The following GRIN1 variants were observed in gnomAD, a reference collection of about 807,000 sequenced individuals.
GRIN1 encodes glutamate receptor ionotropic, NMDA 1.
A neutral mutation model predicts 103.0 loss-of-function variants in GRIN1; 38 were observed. The ratio of observed to expected loss-of-function variants is 0.37; its 90% CI spans 0.28 to 0.48. The LOEUF (loss-of-function observed/expected upper bound fraction) is 0.48. GRIN1 is among the 20% of genes least tolerant of loss of function. The pLI, the probability that GRIN1 is intolerant of heterozygous loss-of-function variation, is 0.98. For synonymous variants in GRIN1, 544 were observed against 532.7 expected (o/e 1.02, Z -0.29); for missense variants, 577 against 1,288.9 (o/e 0.45, Z 8.46).
intron 4 of GRIN1, among the ~76,000 whole-genome samples, chr9:137,151,939 C>T (rs1006389161): frequency 1.6e-5 from 2 of 128,840 alleles, no homozygotes; most frequent in African/African-American, 5.9e-5. Flanking sequence ...TGGAGTCTCA[C>T]TCTGTCACCC....
At chr9:137,167,362 T>C in intron 19 of GRIN1, 49 bp from the exon 20 acceptor site, 1 of 1,435,170 alleles carries the variant, frequency 7.0e-7, no homozygotes, top group Non-Finnish European at 9.6e-7. Context: ...CTGGGGTCCC[T>C]GGCGGCCGGC....
intron 2 of GRIN1, among the ~76,000 whole-genome samples, chr9:137,145,344 C>T (rs112810635): frequency 3.9e-4 from 42 of 108,544 alleles, no homozygotes; most frequent in African/African-American, 1.3e-3. Flanking sequence ...TCCCAGGGTC[C>T]AGAAAGTGTC....
intron 4 of GRIN1, among the ~76,000 whole-genome samples, chr9:137,152,571 G>A (rs766544964): frequency 1.3e-5 from 2 of 152,162 alleles, no homozygotes; most frequent in Non-Finnish European, 2.9e-5. Context: ...AGGGGAGGGG[G>A]CGTTTTCTCC....
In GRIN1 at chr9:137,167,679, G is replaced by C. The variant is rs1408629832; in HGVS notation, c.*152G>C. On this transcript the variant is annotated 3_prime_UTR_variant, in exon 20 of 20. Coordinates refer to ENST00000371561, the MANE Select transcript of GRIN1 (RefSeq NM_007327.4). ...CCCAGGCTGCGCCTGCCCGCCCGCC[G>C]GTTGGCCGGCTGGCCGGTCCACCCC... is the stretch of plus-strand genomic sequence containing the variant. The C allele has an allele frequency of 9.0e-6, 14 of 1,554,986 alleles. No homozygotes were observed. In the South Asian group the frequency reaches 1.1e-4, roughly 12 times the overall value.
In GRIN1 at chr9:137,167,961, C is replaced by G; in HGVS notation, c.*434C>G. ...CAGAGACTGCCCACCCTGGGCCTCCCGTCCGTCCGCCCGCCCACCCCGCTG... is the reference window on the plus strand; with the variant it reads ...CAGAGACTGCCCACCCTGGGCCTCCGGTCCGTCCGCCCGCCCACCCCGCTG... On this transcript the variant is annotated 3_prime_UTR_variant, in exon 20 of 20. Transcript: ENST00000371561. 1 of 889,498 alleles carries G rather than the reference C, an allele frequency of 1.1e-6. No homozygotes were observed. The highest frequency in any genetic ancestry group is 1.4e-5 in the South Asian group (1 of 70,918). 55.1% of individuals were successfully genotyped at this position (889,498 alleles called of 1,614,324 possible).
intron 6 of GRIN1, 51 bp downstream of exon 6, chr9:137,157,088 C>A (rs550875739): frequency 6.8e-6 from 2 of 295,646 alleles, no homozygotes; most frequent in Non-Finnish European, 1.1e-5. Flanking sequence ...GGGAGGTGGG[C>A]GGGGTCACTC....
At chr9:137,165,892 G>A (rs553190024) in intron 19 of GRIN1, among the ~76,000 whole-genome samples, 2 of 152,332 alleles carry the variant, frequency 1.3e-5, no homozygotes, top group African/African-American at 2.4e-5. Flanking sequence ...TGTGTGGGCC[G>A]GGGGCTGGGG....
rs1030685877 is a variant in GRIN1 at position 137,162,715 on chromosome 9, C to T, written c.1989C>T (p.Arg663=). The T allele has an allele frequency of 1.4e-5, 22 of 1,606,164 alleles. No homozygotes were observed. Among genetic ancestry groups the T allele is most frequent in the Non-Finnish European group, 1.8e-5 (21 of 1,177,018 alleles). The change falls in exon 14 of 20, where the codon CGC becomes CGT. Residue 663 remains arginine (R), a synonymous_variant. Transcript: ENST00000371561. The part of the protein sequence containing the change: ...AFLVLDRPEE[R]ITGINDPRLR... ...TGGTGCTGGACCGGCCGGAGGAGCG[C>T]ATCACGGGCATCAACGACCCTCGGG...
intron 19 of GRIN1, 87 bp downstream of exon 19, chr9:137,165,383 C>G: frequency 1.2e-6 from 1 of 864,294 alleles, no homozygotes; most frequent in Non-Finnish European, 2.0e-6. Context: ...CGCCCCGGAC[C>G]CTGGGCTCCT....
At chr9:137,148,932 C>T (rs1024666026) in intron 3 of GRIN1, 77 bp from the exon 4 acceptor site, 2 of 1,079,550 alleles carry the variant, frequency 1.9e-6, no homozygotes, top group Admixed American at 2.0e-5. Flanking sequence ...TTCCCAGCGG[C>T]TCCGGCCCAA....
intron 8 of GRIN1, 91 bp from the exon 9 acceptor site, chr9:137,160,965 G>C (rs1833504477): frequency 1.3e-6 from 2 of 1,533,504 alleles, no homozygotes; most frequent in African/African-American, 2.7e-5. Flanking sequence ...GATTAAGAGG[G>C]GCGCCAGGGG....
At chr9:137,163,378 G>C (rs780091424) in intron 16 of GRIN1, 48 bp downstream of exon 16, 3 of 1,603,160 alleles carry the variant, frequency 1.9e-6, no homozygotes, top group East Asian at 4.5e-5. Context: ...CTCCGCCAGA[G>C]GTGGACGCCC....
intron 10 of GRIN1, 83 bp from the exon 11 acceptor site, chr9:137,161,841 C>G: frequency 7.1e-7 from 1 of 1,416,806 alleles, no homozygotes; most frequent in Non-Finnish European, 9.7e-7. Context: ...CCGGAGTGCT[C>G]TAGGGCGGCT....
In GRIN1 at chr9:137,162,826, C is replaced by G. The variant is rs778196740; in HGVS notation, c.2014-20C>G. 1 of 1,611,208 alleles carries G rather than the reference C, an allele frequency of 6.2e-7. No homozygotes were observed. The highest frequency in any genetic ancestry group is 8.5e-7 in the Non-Finnish European group (1 of 1,179,374). Reference sequence around the variant, plus strand: ...GGCCTGGGGAGCCGCCGCCGCGATCCCTGCCCTCCGACCCTGCAGCTGAGG... The same window carrying G: ...GGCCTGGGGAGCCGCCGCCGCGATCGCTGCCCTCCGACCCTGCAGCTGAGG... On this transcript the variant is annotated intron_variant, in intron 14 of 19. Coordinates refer to ENST00000371561, the MANE Select transcript of GRIN1 (RefSeq NM_007327.4).
intron 6 of GRIN1, 67 bp downstream of exon 6, chr9:137,157,104 A>T (rs1293745349): frequency 2.9e-6 from 1 of 349,558 alleles, no homozygotes; most frequent in Non-Finnish European, 4.9e-6. Context: ...CACTCCAGAG[A>T]TGGGCGGGGC....
In GRIN1 at chr9:137,139,577, G is replaced by C; in HGVS notation, c.91G>C (p.Ala31Pro). The C allele has an allele frequency of 6.2e-7, 1 of 1,613,320 alleles. No homozygotes were observed. Reference protein sequence around the residue: ...ACDPKIVNIGAVLSTRKHEQM... With the variant: ...ACDPKIVNIGPVLSTRKHEQM... ...CGACCCCAAGATCGTCAACATTGGCGCGGTGCTGAGCACGCGGAAGCACGA... is the reference window on the plus strand; with the variant it reads ...CGACCCCAAGATCGTCAACATTGGCCCGGTGCTGAGCACGCGGAAGCACGA... Residue 31 changes from alanine (A) to proline (P), a missense_variant, in exon 1 of 20, where the codon GCG becomes CCG. Physicochemically the swap from Ala to Pro is conservative, Grantham distance 27. This residue lies in a region of GRIN1 where 308 missense variants were observed against 553.6 expected (regional missense o/e 0.56). Coordinates refer to ENST00000371561, the MANE Select transcript of GRIN1 (RefSeq NM_007327.4). This position sits in a 1 kb window ranked among gnomAD's most constrained non-coding sequence, Gnocchi z 7.7.
At chr9:137,143,532 G>A (rs769330439) in intron 2 of GRIN1, among the ~76,000 whole-genome samples, 1 of 152,084 alleles carries the variant, frequency 6.6e-6, no homozygotes, top group African/African-American at 2.4e-5. Context: ...ATGAAAGGCG[G>A]GGGAAACGGA....
intron 4 of GRIN1, among the ~76,000 whole-genome samples, chr9:137,151,100 A>C (rs1832866390): frequency 6.9e-6 from 1 of 145,384 alleles, no homozygotes; most frequent in Admixed American, 6.8e-5. Flanking sequence ...GCCCAGGGAA[A>C]GCCCCGCCCA....
intron 12 of GRIN1, 36 bp downstream of exon 12, chr9:137,162,326 C>T (rs1353435907): frequency 1.3e-6 from 2 of 1,546,106 alleles, no homozygotes; most frequent in Non-Finnish European, 1.7e-6. Flanking sequence ...CCTCCATCTG[C>T]GGGGCGCGGA....
Sources: allele counts gnomAD v4.1 joint callset (sites outside exome capture counted in the v4.1 genomes callset), GRCh38; gene constraint gnomAD v4.1.1; regional missense constraint gnomAD v4.1.1; non-coding constraint Gnocchi (gnomAD v3.1); transcripts MANE v1.5; gene names NCBI Gene and HGNC (gene_info 2026-07-23, HGNC 2026-07-21).